IQSEC1: variants seen among roughly 807,000 people sequenced by gnomAD.
The protein encoded by IQSEC1 is IQ motif and SEC7 domain-containing protein 1.
Under a neutral mutation model 91.0 loss-of-function variants are expected in IQSEC1, and 31 were observed. The observed-to-expected ratio is 0.34, with a 90% CI of 0.26 to 0.46. IQSEC1 has a LOEUF of 0.46. Ranked by LOEUF, IQSEC1 falls within the 20% of genes least tolerant of loss-of-function variation. The pLI is 1.00. For synonymous variants in IQSEC1, 699 were observed against 662.6 expected, an observed-to-expected ratio of 1.05 and a Z score of -0.84; for missense variants, 1,388 against 1,575.6, an observed-to-expected ratio of 0.88 and a Z score of 2.02.
intron 1 of IQSEC1, among the ~76,000 whole-genome samples, chr3:13,004,808 G>A (rs949446710): frequency 2.0e-5 from 3 of 152,084 alleles, no homozygotes; most frequent in Non-Finnish European, 4.4e-5. Context: ...CCAGCATCGG[G>A]CCAGCCACAG....
chr3:12,899,238 C>CT lies in IQSEC1; in HGVS notation c.*1744dup, dbSNP rs1434637856. ...CAAGGTGACACACAGCCAGAGGGGG[C>CT]TCCCCTCTCCTCCTGCCGTCCGGCC... On this transcript the variant is annotated 3_prime_UTR_variant, in exon 14 of 14. Transcript: ENST00000613206. 11 of 802,862 alleles carry CT rather than the reference C, an allele frequency of 1.4e-5. No homozygotes were observed. The highest frequency in any genetic ancestry group is 5.6e-5 in the Admixed American group (2 of 35,778). 49.7% of individuals were successfully genotyped at this position (802,862 alleles called of 1,614,324 possible).
chr3:13,169,681 C>T (rs771504470), intron 1 of IQSEC1, among the ~76,000 whole-genome samples: 7 of 152,222 alleles, frequency 4.6e-5, no homozygotes, highest in Non-Finnish European at 7.3e-5. Flanking sequence ...GGAATTGGAG[C>T]AAAGGTGACT....
At chr3:13,027,796 C>T (rs1283787542) in intron 1 of IQSEC1, among the ~76,000 whole-genome samples, 5 of 152,194 alleles carry the variant, frequency 3.3e-5, no homozygotes, top group African/African-American at 1.2e-4. Flanking sequence ...TGTGGCTTGG[C>T]TCTGGCTGAT....
intron 1 of IQSEC1, among the ~76,000 whole-genome samples, chr3:13,036,763 T>C (rs148320635): frequency 1.0e-3 from 157 of 152,342 alleles, no homozygotes; most frequent in African/African-American, 3.7e-3. Context: ...CCAAAGTGAG[T>C]TCCTTGATGC....
chr3:12,939,725 C>T (rs2125338154), intron 2 of IQSEC1, among the ~76,000 whole-genome samples: 1 of 152,300 alleles, frequency 6.6e-6, no homozygotes, highest in Non-Finnish European at 1.5e-5. Context: ...GTTGCCTCTT[C>T]CTGGGACAGC....
Position 12,922,101 on chromosome 3 carries a change from C to T in IQSEC1, c.1853+19G>A, listed in dbSNP as rs201176146. 2.2e-5 allele frequency: 35 copies of T among 1,558,014 alleles called. No homozygotes were observed. The African/African-American group carries it at 3.1e-4, about 14-fold the overall frequency. On this transcript the variant is annotated intron_variant, in intron 5 of 13. Transcript: ENST00000613206. This position sits in a 1 kb window ranked among gnomAD's most constrained non-coding sequence, Gnocchi z 5.1. ...CCATTCTTCCCTGATGCAGCAGCCC[C>T]AGCCAGCCCGGGCCCCACCTGAACG...
intron 8 of IQSEC1, among the ~76,000 whole-genome samples, 167 bp from the exon 9 acceptor site, chr3:12,913,720 T>G (rs1274769603): frequency 6.6e-6 from 1 of 152,222 alleles, no homozygotes; most frequent in Non-Finnish European, 1.5e-5. Flanking sequence ...GTCTTTTGGC[T>G]CATGGCAGTT....
chr3:12,973,292 C>A (rs992962666), intron 1 of IQSEC1, among the ~76,000 whole-genome samples: 1 of 152,174 alleles, frequency 6.6e-6, no homozygotes, highest in Non-Finnish European at 1.5e-5. Flanking sequence ...AGCCCCAGTG[C>A]CTTTGCTTAT....
At chr3:13,203,211 GCACA>G (rs1166482881) in intron 1 of IQSEC1, among the ~76,000 whole-genome samples, 4 of 150,394 alleles carry the variant, frequency 2.7e-5, no homozygotes, top group Non-Finnish European at 5.9e-5. Flanking sequence ...GCTCACACAT[GCACA>G]CACACACATA....
chr3:13,112,151 T>C (rs1262990827), intron 2 of IQSEC1, among the ~76,000 whole-genome samples: 1 of 152,218 alleles, frequency 6.6e-6, no homozygotes. Flanking sequence ...CCTGGAGCCA[T>C]TCCTGACATC....
intron 1 of IQSEC1, among the ~76,000 whole-genome samples, chr3:12,998,219 A>C (rs1702292584): frequency 6.6e-6 from 1 of 152,140 alleles, no homozygotes; most frequent in South Asian, 2.1e-4. Context: ...GTGTGGTGGC[A>C]TGTGCCTGTA....
chr3:13,091,618 A>ACG (rs764186210), intron 2 of IQSEC1, among the ~76,000 whole-genome samples: 1 of 152,072 alleles, frequency 6.6e-6, no homozygotes, highest in East Asian at 1.9e-4. Flanking sequence ...CCCAGGTGGG[A>ACG]CGGGCCCACA....
chr3:12,954,890 G>C (rs907877647), intron 1 of IQSEC1, among the ~76,000 whole-genome samples: 1 of 152,224 alleles, frequency 6.6e-6, no homozygotes, highest in Non-Finnish European at 1.5e-5. Flanking sequence ...CCACAGAGCG[G>C]GGCAGAACGG....
rs568360461 is a variant in IQSEC1, at chr3:12,899,422, C to T, written c.*1561G>A. 38 of 1,611,564 alleles carry T rather than the reference C, an allele frequency of 2.4e-5. No individual in the cohort carries two copies. Among genetic ancestry groups the T allele is most frequent in the Admixed American group, 5.0e-5 (3 of 59,864 alleles). On this transcript the variant is annotated 3_prime_UTR_variant, in exon 14 of 14. Coordinates refer to ENST00000613206, the MANE Select transcript of IQSEC1 (RefSeq NM_001134382.3). ...CACAGCACTGACGGCTGCAGTGGCTCGAAAGGCTGAAACTACAAAGTATGG... is the reference window on the plus strand; with the variant it reads ...CACAGCACTGACGGCTGCAGTGGCTTGAAAGGCTGAAACTACAAAGTATGG...
intron 2 of IQSEC1, among the ~76,000 whole-genome samples, chr3:13,159,394 A>G (rs1000072737): frequency 6.6e-6 from 1 of 152,136 alleles, no homozygotes; most frequent in Non-Finnish European, 1.5e-5. Context: ...ACGTCACTGC[A>G]CTCCAGCCTG....
chr3:13,165,977 G>A (rs955203253), intron 1 of IQSEC1, among the ~76,000 whole-genome samples: 1 of 152,214 alleles, frequency 6.6e-6, no homozygotes, highest in Non-Finnish European at 1.5e-5. Context: ...GCTTATGTGT[G>A]TAAGTTCCCT....
Position 13,030,872 on chromosome 3 carries a change from C to T in IQSEC1, c.23+42120G>A, listed in dbSNP as rs117835348. 5.8e-3 allele frequency among the ~76,000 whole-genome samples: 883 copies of T among 152,368 alleles called. 71 individuals carry two copies. The South Asian group carries it at 0.15, about 25-fold the overall frequency. ...AGGCGTGGGATTCGCCTTACAACTCCGAGGTTCACCTTCACCAAGCAGCTA... is the reference window on the plus strand; with the variant it reads ...AGGCGTGGGATTCGCCTTACAACTCTGAGGTTCACCTTCACCAAGCAGCTA... On this transcript the variant is annotated intron_variant, in intron 1 of 13. Coordinates refer to ENST00000613206, the MANE Select transcript of IQSEC1 (RefSeq NM_001134382.3).
At chr3:13,029,458 G>C (rs571242968) in intron 1 of IQSEC1, among the ~76,000 whole-genome samples, 1 of 152,188 alleles carries the variant, frequency 6.6e-6, no homozygotes, top group Non-Finnish European at 1.5e-5. Context: ...GGCTCTCCTC[G>C]GCTGGCTTGG....
At chr3:13,041,139 T>C (rs957814532) in intron 1 of IQSEC1, among the ~76,000 whole-genome samples, 3 of 151,678 alleles carry the variant, frequency 2.0e-5, no homozygotes, top group African/African-American at 4.9e-5. Flanking sequence ...CAATTAAGTA[T>C]ATAAAGTGCC....
Sources: gnomAD v4.1 joint callset for allele counts (sites outside exome capture counted in the v4.1 genomes callset) on GRCh38, gnomAD v4.1.1 for gene constraint, Gnocchi (gnomAD v3.1) non-coding constraint, MANE v1.5 for transcripts, NCBI Gene and HGNC (gene_info 2026-07-23, HGNC 2026-07-21) for gene names.